The following RIN3 variants were observed in gnomAD, a reference collection of about 807,000 sequenced individuals.
The protein encoded by RIN3 is Ras and Rab interactor 3, also known as RAB5 interacting protein 3.
A neutral mutation model predicts 76.3 loss-of-function variants in RIN3; 54 were observed. That is an observed-to-expected ratio of 0.71 (90% confidence interval 0.57 to 0.89). The LOEUF is 0.89. Ranked by LOEUF, RIN3 falls within the 40% of genes least tolerant of loss-of-function variation. RIN3 has a pLI of 0.00. For missense variants in RIN3, 1,256 were observed against 1,322.1 expected, an observed-to-expected ratio of 0.95 and a Z score of 0.78; for synonymous variants, 576 against 564.0, an observed-to-expected ratio of 1.02 and a Z score of -0.30.
chr14:92,548,847 ATCTTCTCGGGGG>A (rs951329950), intron 1 of RIN3, among the ~76,000 whole-genome samples: 7 of 152,060 alleles, frequency 4.6e-5, no homozygotes, highest in Non-Finnish European at 1.0e-4. Context: ...ATTTGCACAT[ATCTTCTCGGGGG>A]ACACAATTCA....
At chr14:92,666,151 G>GC in intron 7 of RIN3, among the ~76,000 whole-genome samples, 1 of 151,854 alleles carries the variant, frequency 6.6e-6, no homozygotes, top group South Asian at 2.1e-4. Flanking sequence ...AGTCTTCCCA[G>GC]CCCCCTCACC....
chr14:92,638,432 G>C (rs970678783), intron 4 of RIN3, among the ~76,000 whole-genome samples: 8 of 152,212 alleles, frequency 5.3e-5, no homozygotes, highest in African/African-American at 1.7e-4. Context: ...CTGGATGCTG[G>C]GGTTCGAGTC....
chr14:92,555,100 G>A (rs986779057), intron 1 of RIN3, among the ~76,000 whole-genome samples: 1 of 152,208 alleles, frequency 6.6e-6, no homozygotes, highest in Admixed American at 6.5e-5. Context: ...CTTGATTTGG[G>A]TGGTAGTTAC....
intron 7 of RIN3, among the ~76,000 whole-genome samples, chr14:92,662,897 A>C (rs533434485): frequency 1.3e-5 from 2 of 151,052 alleles, no homozygotes; most frequent in East Asian, 1.9e-4. Context: ...CAGTGGCACC[A>C]CCCCCCAGGC....
intron 2 of RIN3, among the ~76,000 whole-genome samples, chr14:92,564,661 G>T (rs1897868690): frequency 1.3e-5 from 2 of 152,128 alleles, no homozygotes; most frequent in South Asian, 4.1e-4. Context: ...TTTTTTTGGT[G>T]GGGGCTTGCA....
intron 4 of RIN3, among the ~76,000 whole-genome samples, chr14:92,631,360 C>G (rs1886575249): frequency 6.6e-6 from 1 of 152,236 alleles, no homozygotes; most frequent in Non-Finnish European, 1.5e-5. Context: ...ACTCAGGAAG[C>G]ACATTCTGTG....
intron 7 of RIN3, chr14:92,659,681 C>A (rs561193848): frequency 2.1e-6 from 1 of 477,946 alleles, no homozygotes; most frequent in East Asian, 3.4e-5. Context: ...TCGGCTGTTG[C>A]CCTGGAGGCA....
At chr14:92,561,357 C>T (rs535850456) in intron 2 of RIN3, among the ~76,000 whole-genome samples, 2 of 105,328 alleles carry the variant, frequency 1.9e-5, no homozygotes, top group South Asian at 7.7e-4. Context: ...TCACCCCTTC[C>T]CCACTATCCA....
intron 4 of RIN3, among the ~76,000 whole-genome samples, chr14:92,640,774 C>T (rs74849903): frequency 6.8e-6 from 1 of 147,920 alleles, no homozygotes; most frequent in African/African-American, 2.5e-5. Flanking sequence ...TCATCGGGGG[C>T]TGCCTGACTG....
intron 3 of RIN3, among the ~76,000 whole-genome samples, chr14:92,582,991 G>T (rs1884613814): frequency 6.6e-6 from 1 of 152,336 alleles, no homozygotes; most frequent in African/African-American, 2.4e-5. Flanking sequence ...TCCTGCCTGT[G>T]TGACCTTGTG....
intron 1 of RIN3, among the ~76,000 whole-genome samples, chr14:92,535,659 C>T (rs1392305454): frequency 2.8e-5 from 4 of 142,522 alleles, no homozygotes; most frequent in East Asian, 2.1e-4. Context: ...CACAGTCTAC[C>T]TGGAACAGAC....
At chr14:92,555,323 G>A (rs1595411654) in intron 1 of RIN3, among the ~76,000 whole-genome samples, 3 of 152,186 alleles carry the variant, frequency 2.0e-5, no homozygotes, top group South Asian at 2.1e-4. Context: ...GCTGTGTCTC[G>A]CCATTTCCTC....
intron 5 of RIN3, among the ~76,000 whole-genome samples, chr14:92,649,687 C>T (rs1452878633): frequency 6.6e-6 from 1 of 152,194 alleles, no homozygotes; most frequent in Admixed American, 6.5e-5. Context: ...AAGAGCAGCT[C>T]GTCCAGGCCC....
At chr14:92,605,481 G>T (rs544761907) in intron 3 of RIN3, among the ~76,000 whole-genome samples, 7 of 152,216 alleles carry the variant, frequency 4.6e-5, no homozygotes, top group Non-Finnish European at 8.8e-5. Context: ...TCCTTGGCAA[G>T]GTACATCCTC....
At chr14:92,563,054 T>C (rs186532263) in intron 2 of RIN3, among the ~76,000 whole-genome samples, 1 of 152,104 alleles carries the variant, frequency 6.6e-6, no homozygotes, top group Non-Finnish European at 1.5e-5. Context: ...CTGTTGAGTA[T>C]TAGTTTGGTA....
At chr14:92,672,981 C>CG (rs1384593449) in intron 7 of RIN3, among the ~76,000 whole-genome samples, 3 of 152,072 alleles carry the variant, frequency 2.0e-5, no homozygotes, top group African/African-American at 7.2e-5. Flanking sequence ...AATATCATCA[C>CG]GGTCTATCAA....
At chr14:92,638,519 G>C (rs1052244004) in intron 4 of RIN3, among the ~76,000 whole-genome samples, 2 of 152,190 alleles carry the variant, frequency 1.3e-5, no homozygotes, top group African/African-American at 4.8e-5. Context: ...TGGCAGTCAG[G>C]GGGTGGGCAC....
chr14:92,567,236 G>A (rs1897937602), intron 2 of RIN3, among the ~76,000 whole-genome samples: 1 of 152,178 alleles, frequency 6.6e-6, no homozygotes, highest in Admixed American at 6.5e-5. Context: ...AAAGGTGGAG[G>A]CCACATGTCC....
chr14:92,668,120 A>G (rs1888173447), intron 7 of RIN3, among the ~76,000 whole-genome samples: 1 of 152,190 alleles, frequency 6.6e-6, no homozygotes, highest in Admixed American at 6.5e-5. Flanking sequence ...GGATGTGGAC[A>G]CTGTGATTAT....
Sources: allele counts gnomAD v4.1 joint callset (sites outside exome capture counted in the v4.1 genomes callset), GRCh38; gene constraint gnomAD v4.1.1; transcripts MANE v1.5; gene names NCBI Gene and HGNC (gene_info 2026-07-23, HGNC 2026-07-21).